SLC9A8: variants seen among roughly 807,000 people sequenced by gnomAD.
SLC9A8 encodes the protein sodium/hydrogen exchanger 8.
In SLC9A8, 48 loss-of-function variants were observed where a neutral mutation model predicts 66.6. That is an observed-to-expected ratio of 0.72 (90% confidence interval 0.57 to 0.92). The LOEUF (loss-of-function observed/expected upper bound fraction) is 0.92. Ranked by LOEUF, SLC9A8 falls within the 40% of genes least tolerant of loss-of-function variation. The probability of loss-of-function intolerance (pLI) is 0.00; values close to 1 mark genes in which losing one functional copy is unlikely to be tolerated. For synonymous variants in SLC9A8, 274 were observed against 282.6 expected (o/e 0.97, Z 0.31); for missense variants, 599 against 747.3 (o/e 0.80, Z 2.31).
At chr20:49,817,723 C>G (rs2086606281) in intron 2 of SLC9A8, among the ~76,000 whole-genome samples, 1 of 152,122 alleles carries the variant, frequency 6.6e-6, no homozygotes, top group Non-Finnish European at 1.5e-5. Flanking sequence ...TAAACCGATA[C>G]TGAAAAAGTA....
intron 10 of SLC9A8, among the ~76,000 whole-genome samples, chr20:49,873,413 T>C (rs900127914): frequency 7.1e-6 from 1 of 140,316 alleles, no homozygotes; most frequent in Non-Finnish European, 1.5e-5. Flanking sequence ...GCCCAGGAGA[T>C]GGAGGTTGCA....
At chr20:49,837,861 G>T (rs1166573903) in intron 3 of SLC9A8, among the ~76,000 whole-genome samples, 1 of 152,106 alleles carries the variant, frequency 6.6e-6, no homozygotes, top group East Asian at 1.9e-4. Flanking sequence ...GAGCCACCAC[G>T]CCTGGTCGGT....
At chr20:49,873,751 A>C (rs1318331704) in intron 10 of SLC9A8, among the ~76,000 whole-genome samples, 1 of 149,360 alleles carries the variant, frequency 6.7e-6, no homozygotes, top group Admixed American at 6.7e-5. Context: ...AGCCTGGGCA[A>C]AAAGACTGAA....
rs6125786 is a variant in SLC9A8, at chr20:49,834,407, A to G, written c.290-5134A>G. ...TACTGTGTATATATATATACTGTGT[A>G]TATATATATACTGTATATATATACT... On this transcript the variant is annotated intron_variant, in intron 3 of 15. Transcript: ENST00000361573. Among the ~76,000 whole-genome samples, 26 of 84,252 alleles carry G rather than the reference A, an allele frequency of 3.1e-4. 1 individual carries two copies. In the East Asian group the frequency reaches 4.2e-3, roughly 14 times the overall value. The allele number at this position is 84,252 out of a possible 152,430, so 55.3% of individuals were successfully genotyped here. A position where few individuals can be genotyped will look rare whatever the true frequency, so the allele number is the denominator to read the frequency against.
intron 4 of SLC9A8, among the ~76,000 whole-genome samples, chr20:49,841,929 A>G (rs567303287): frequency 7.6e-4 from 115 of 152,168 alleles, no homozygotes; most frequent in African/African-American, 2.3e-3. Flanking sequence ...TTGTAGAGAC[A>G]CGATGTCACT....
At position 49,831,044 on chromosome 20, in the gene SLC9A8, T is replaced by C. The variant is rs543271473; in HGVS notation, c.289+7903T>C. 6.9e-6 allele frequency: 5 copies of C among 724,228 alleles called. No homozygotes were observed. In the Admixed American group the frequency reaches 7.0e-5, roughly 10 times the overall value. 44.9% of individuals were successfully genotyped at this position (724,228 alleles called of 1,614,324 possible). ...CAAAAGAGCCAAGGCACTGGACCAG[T>C]CCAACAATATGTCCGCTGTGTCCTG... On this transcript the variant is annotated intron_variant, in intron 3 of 15. Transcript: ENST00000361573.
chr20:49,858,156 A>G (rs1038161111), intron 8 of SLC9A8, among the ~76,000 whole-genome samples: 1 of 152,188 alleles, frequency 6.6e-6, no homozygotes, highest in African/African-American at 2.4e-5. Context: ...CTTCTGGAAA[A>G]TAATTTTACT....
rs1051132935 is a variant in SLC9A8 at position 49,830,214 on chromosome 20, A to G, written c.289+7073A>G. On this transcript the variant is annotated intron_variant, in intron 3 of 15. Coordinates refer to ENST00000361573, the MANE Select transcript of SLC9A8 (RefSeq NM_015266.3). ...AGCTGACAGCACGGCCGTGAATGGC[A>G]GCATCACAGACAAAAAGATGGGATT... is the stretch of plus-strand genomic sequence containing the variant. The G allele has an allele frequency of 6.7e-5, 55 of 826,236 alleles. No individual in the cohort carries two copies. In the African/African-American group the frequency reaches 8.9e-4, roughly 13 times the overall value. The allele number at this position is 826,236 out of a possible 1,614,324, so 51.2% of individuals were successfully genotyped here.
rs1490531217 is a variant in SLC9A8, at chr20:49,884,334, ACACC to A, written c.1491+270_1491+273del. On this transcript the variant is annotated intron_variant, in intron 14 of 15. Coordinates refer to ENST00000361573, the MANE Select transcript of SLC9A8 (RefSeq NM_015266.3). ...CACACACACACACACACACACACAC[ACACC>A]CCCCGGTCATCCCCCCTGAGAAGGA... 4.0e-3 allele frequency among the ~76,000 whole-genome samples: 496 copies of A among 124,298 alleles called. 79 individuals are homozygous for A. The highest frequency in any genetic ancestry group is 0.016 in the East Asian group (61 of 3,736). 81.5% of individuals were successfully genotyped at this position (124,298 alleles called of 152,430 possible). A position where few individuals can be genotyped will look rare whatever the true frequency, so the allele number is the denominator to read the frequency against.
At chr20:49,879,962 A>G (rs1184001178) in intron 12 of SLC9A8, among the ~76,000 whole-genome samples, 3 of 152,074 alleles carry the variant, frequency 2.0e-5, no homozygotes, top group Admixed American at 6.5e-5. Context: ...ATCCACTTAG[A>G]TAAGATTTAA....
At chr20:49,884,397 TGGGGTG>T (rs994595638) in intron 14 of SLC9A8, among the ~76,000 whole-genome samples, 1 of 145,516 alleles carries the variant, frequency 6.9e-6, no homozygotes, top group Non-Finnish European at 1.5e-5. Context: ...GCATGGCTCT[TGGGGTG>T]GGGGTGTCTG....
rs367816324 is a variant in SLC9A8, at chr20:49,883,808, C to T, written c.1271-38C>T. 404 of 1,550,494 alleles carry T rather than the reference C, an allele frequency of 2.6e-4. 3 individuals carry two copies. The highest frequency in any genetic ancestry group is 5.5e-5 in the Non-Finnish European group (63 of 1,142,460). On this transcript the variant is annotated intron_variant, in intron 13 of 15. Transcript: ENST00000361573. ...AAGCCAGCCCATGAAGCTGCTGCCT[C>T]TTCACTGTGTCCTCTCACACTGTTT...
chr20:49,875,743 T>C (rs2089401700), intron 11 of SLC9A8, among the ~76,000 whole-genome samples: 1 of 149,342 alleles, frequency 6.7e-6, no homozygotes, highest in African/African-American at 2.4e-5. Flanking sequence ...ACTTGTCTCT[T>C]TTTTTTTTTG....
chr20:49,879,985 G>T (rs1037947107), intron 12 of SLC9A8, among the ~76,000 whole-genome samples: 7 of 152,040 alleles, frequency 4.6e-5, no homozygotes, highest in African/African-American at 1.7e-4. Flanking sequence ...TTTAGGCTGG[G>T]TGCAGTGGCT....
chr20:49,834,452 G>A (rs1474117947), intron 3 of SLC9A8, among the ~76,000 whole-genome samples: 3 of 68,546 alleles, frequency 4.4e-5, no homozygotes, highest in Non-Finnish European at 6.5e-5. Flanking sequence ...TATATATACT[G>A]TATATATATA....
At position 49,885,831 on chromosome 20, in the gene SLC9A8, G is replaced by A. The variant is rs8114067; in HGVS notation, c.1492-921G>A. 4.3e-3 allele frequency among the ~76,000 whole-genome samples: 650 copies of A among 152,292 alleles called. 3 individuals carry two copies. Among genetic ancestry groups the A allele is most frequent in the African/African-American group, 0.015 (627 of 41,556 alleles). On this transcript the variant is annotated intron_variant, in intron 14 of 15. Transcript: ENST00000361573. ...GCTGTGGGCACAGACTCCCGAGCCTGTCCTCTTTACTACCACGCTGATCAG... is the reference window on the plus strand; with the variant it reads ...GCTGTGGGCACAGACTCCCGAGCCTATCCTCTTTACTACCACGCTGATCAG...
chr20:49,815,076 A>C lies in SLC9A8; in HGVS notation c.95A>C (p.Lys32Thr). 1 of 1,609,448 alleles carries C rather than the reference A, an allele frequency of 6.2e-7. No individual in the cohort carries two copies. The highest frequency in any genetic ancestry group is 1.1e-5 in the South Asian group (1 of 90,036). Reference protein sequence around the residue: ...TLHTTLVVTTKLVLPTPGKPI... With the variant: ...TLHTTLVVTTTLVLPTPGKPI... ...CACACCACCCTGGTTGTCACGACGA[A>C]ACTGGTGCTCCCGACCCCTGGCAAG... is the stretch of plus-strand genomic sequence containing the variant. The change falls in exon 2 of 16, where the codon AAA becomes ACA. Residue 32 changes from lysine (K) to threonine (T), a missense_variant. Around this residue, in one of 2 missense-constraint regions of SLC9A8, gnomAD observed 132 missense variants for 120.9 expected, o/e 1.09. Transcript: ENST00000361573.
chr20:49,856,377 A>G (rs1276287046), intron 8 of SLC9A8, among the ~76,000 whole-genome samples: 1 of 152,164 alleles, frequency 6.6e-6, no homozygotes, highest in African/African-American at 2.4e-5. Context: ...ACAGCTTTAA[A>G]ATAAGGTAGG....
chr20:49,845,265 G>A, intron 5 of SLC9A8, 146 bp downstream of exon 5: 1 of 628,942 alleles, frequency 1.6e-6, no homozygotes. Context: ...AAGCTGGACT[G>A]CAGTGCCTGA....
Sources: gnomAD v4.1 joint callset for allele counts (sites outside exome capture counted in the v4.1 genomes callset) on GRCh38, gnomAD v4.1.1 for gene constraint, gnomAD v4.1.1 regional missense constraint, MANE v1.5 for transcripts, NCBI Gene and HGNC (gene_info 2026-07-23, HGNC 2026-07-21) for gene names.